SCML4: variants seen among roughly 807,000 people sequenced by gnomAD.
The protein encoded by SCML4 is sex comb on midleg-like protein 4.
Under a neutral mutation model 41.1 loss-of-function variants are expected in SCML4, and 34 were observed. The observed-to-expected ratio is 0.83, with a 90% CI of 0.63 to 1.10. SCML4 has a LOEUF of 1.10. Among genes scored for constraint, SCML4 ranks in the 50% least tolerant of loss-of-function variants. The pLI, the probability that SCML4 is intolerant of heterozygous loss-of-function variation, is 0.00. For synonymous variants in SCML4, 214 were observed against 220.9 expected (o/e 0.97, Z 0.28); for missense variants, 522 against 534.1 (o/e 0.98, Z 0.22).
chr6:107,751,649 T>TC (rs60515260), intron 2 of SCML4, among the ~76,000 whole-genome samples: 19 of 140,988 alleles, frequency 1.3e-4, no homozygotes, highest in South Asian at 8.9e-4. Context: ...TTTCTTTCTT[T>TC]TTTGAGAGGG....
At chr6:107,810,869 G>A (rs749854409) in intron 1 of SCML4, among the ~76,000 whole-genome samples, 1 of 152,090 alleles carries the variant, frequency 6.6e-6, no homozygotes. Context: ...GTCTACTCCA[G>A]GGCTCAAGCA....
intron 2 of SCML4, 138 bp from the exon 3 acceptor site, chr6:107,749,951 G>GA: frequency 2.5e-6 from 2 of 811,000 alleles, no homozygotes; most frequent in Non-Finnish European, 4.0e-6. Flanking sequence ...TTCGGGGCCT[G>GA]AGCTGCAGAT....
chr6:107,717,738 G>A (rs971042459), intron 6 of SCML4, among the ~76,000 whole-genome samples: 1 of 152,180 alleles, frequency 6.6e-6, no homozygotes, highest in South Asian at 2.1e-4. Context: ...AGTAGAGACG[G>A]GGTTTCACCA....
rs1477121271 is a variant in SCML4, at chr6:107,705,108, G to C, written c.*92C>G. The C allele has an allele frequency of 1.7e-6, 2 of 1,142,956 alleles. No homozygotes were observed. The highest frequency in any genetic ancestry group is 2.6e-6 in the Non-Finnish European group (2 of 778,296). 70.8% of individuals were successfully genotyped at this position (1,142,956 alleles called of 1,614,324 possible). A position where few individuals can be genotyped will look rare whatever the true frequency, so the allele number is the denominator to read the frequency against. On this transcript the variant is annotated 3_prime_UTR_variant, in exon 8 of 8. Coordinates refer to ENST00000369020, the MANE Select transcript of SCML4 (RefSeq NM_198081.5). Reference sequence around the variant, plus strand: ...TGTGGCTGTTAATTTTAAGAGGAGAGTCTAGTTTGTGATGTTGGCGGGATA... The same window carrying C: ...TGTGGCTGTTAATTTTAAGAGGAGACTCTAGTTTGTGATGTTGGCGGGATA...
upstream of SCML4, among the ~76,000 whole-genome samples, chr6:107,827,889 G>A (rs1427215844): frequency 6.6e-6 from 1 of 152,190 alleles, no homozygotes; most frequent in African/African-American, 2.4e-5. Context: ...CATTGAAAAT[G>A]GCCTTTGTCC....
At chr6:107,835,930 C>T in the SCML4 span, among the ~76,000 whole-genome samples, 1 of 152,054 alleles carries the variant, frequency 6.6e-6, no homozygotes, top group Admixed American at 6.6e-5. Flanking sequence ...CTAAGGTGTC[C>T]ACAGAAGTGA....
At chr6:107,757,317 C>G (rs1024179622) in intron 2 of SCML4, among the ~76,000 whole-genome samples, 2 of 152,110 alleles carry the variant, frequency 1.3e-5, no homozygotes, top group Admixed American at 1.3e-4. Context: ...GGGAGAGGAT[C>G]GGTTGATATA....
At chr6:107,778,521 C>T (rs978948230) in intron 1 of SCML4, among the ~76,000 whole-genome samples, 1 of 151,892 alleles carries the variant, frequency 6.6e-6, no homozygotes, top group African/African-American at 2.4e-5. Flanking sequence ...AGTGATTTTC[C>T]GCTGGCTTCC....
chr6:107,825,033 A>G (rs1785199817), upstream of SCML4, among the ~76,000 whole-genome samples: 1 of 152,206 alleles, frequency 6.6e-6, no homozygotes, highest in South Asian at 2.1e-4. Context: ...ACCCACCTCA[A>G]CGTGGTGGGA....
chr6:107,746,812 A>G lies in SCML4; in HGVS notation c.364T>C (p.Phe122Leu). The change falls in exon 4 of 8, where the codon TTT (phenylalanine) becomes CTT (leucine). Residue 122 changes from phenylalanine to leucine, a missense_variant. By Grantham distance (22) the Phe-to-Leu change is conservative. Coordinates refer to ENST00000369020, the MANE Select transcript of SCML4 (RefSeq NM_198081.5). Reference sequence around the variant, plus strand: ...ACCGCCGATGGCCGCTCGGGCCCAAAATGCTCCGGGAGCTGCTGCACCTTC... The same window carrying G: ...ACCGCCGATGGCCGCTCGGGCCCAAGATGCTCCGGGAGCTGCTGCACCTTC... ...RKKVQQLPEHFGPERPSAVLQ... is the reference protein window; with the variant it reads ...RKKVQQLPEHLGPERPSAVLQ... 6.2e-7 allele frequency: 1 copy of G among 1,614,076 alleles called. No individual in the cohort carries two copies. The highest frequency in any genetic ancestry group is 1.1e-5 in the South Asian group (1 of 91,054).
At chr6:107,821,469 C>T (rs1295466941) in intron 1 of SCML4, among the ~76,000 whole-genome samples, 1 of 152,204 alleles carries the variant, frequency 6.6e-6, no homozygotes, top group African/African-American at 2.4e-5. Context: ...TGTGATCACA[C>T]CAAAGGCAAC....
chr6:107,758,180 G>A (rs985273162), intron 2 of SCML4, among the ~76,000 whole-genome samples: 11 of 152,202 alleles, frequency 7.2e-5, no homozygotes, highest in Non-Finnish European at 1.6e-4. Flanking sequence ...TAAACTTCTT[G>A]TTCTCAATGC....
At chr6:107,759,474 T>C (rs1287671047) in intron 2 of SCML4, among the ~76,000 whole-genome samples, 1 of 152,016 alleles carries the variant, frequency 6.6e-6, no homozygotes, top group Non-Finnish European at 1.5e-5. Context: ...GTGGCTAAAC[T>C]AGGGTGGAAG....
intron 7 of SCML4, among the ~76,000 whole-genome samples, chr6:107,707,264 C>T (rs1383793335): frequency 6.6e-6 from 1 of 152,152 alleles, no homozygotes; most frequent in Non-Finnish European, 1.5e-5. Context: ...ATTGAGATCG[C>T]ACTACTGCAT....
In SCML4 at chr6:107,785,587, ACT is replaced by A. The variant is rs563223291; in HGVS notation, c.-59-13203_-59-13202del. Among the ~76,000 whole-genome samples, 10 of 152,078 alleles carry A rather than the reference ACT, an allele frequency of 6.6e-5. No homozygotes were observed. The South Asian group carries it at 1.7e-3, about 25-fold the overall frequency. On this transcript the variant is annotated intron_variant, in intron 1 of 7. Coordinates refer to ENST00000369020, the MANE Select transcript of SCML4 (RefSeq NM_198081.5). ...TCATGCTCAGAGAGGATCACAGGTC[ACT>A]CTTCCAGGACTGAGATCAGCCGTGG...
chr6:107,763,467 A>C (rs1779780268), intron 2 of SCML4, among the ~76,000 whole-genome samples: 1 of 151,002 alleles, frequency 6.6e-6, no homozygotes, highest in African/African-American at 2.4e-5. Flanking sequence ...GCTCACTGCA[A>C]CCTCCATCTC....
chr6:107,767,985 G>T (rs1583534960), intron 2 of SCML4, among the ~76,000 whole-genome samples: 1 of 152,088 alleles, frequency 6.6e-6, no homozygotes, highest in African/African-American at 2.4e-5. Flanking sequence ...AACTGGCTGG[G>T]CCCGGTGGCT....
chr6:107,718,295 G>T (rs1419925739), intron 6 of SCML4: 1 of 152,264 alleles, frequency 6.6e-6, no homozygotes, highest in African/African-American at 2.4e-5. Context: ...GTCTTATAAA[G>T]GGGAGTTCCC....
the SCML4 span, among the ~76,000 whole-genome samples, chr6:107,834,337 A>AG: frequency 1.3e-5 from 2 of 152,190 alleles, no homozygotes; most frequent in Non-Finnish European, 2.9e-5. Flanking sequence ...GGCACAGCTG[A>AG]GGGGAGAGGT....
Sources: gnomAD v4.1 joint callset for allele counts (sites outside exome capture counted in the v4.1 genomes callset) on GRCh38, gnomAD v4.1.1 for gene constraint, MANE v1.5 for transcripts, NCBI Gene and HGNC (gene_info 2026-07-23, HGNC 2026-07-21) for gene names.